TAOK3: variants seen among roughly 807,000 people sequenced by gnomAD.
TAOK3 encodes serine/threonine-protein kinase TAO3.
A neutral mutation model predicts 120.4 loss-of-function variants in TAOK3; 40 were observed. The ratio of observed to expected loss-of-function variants is 0.33; its 90% CI spans 0.26 to 0.43. TAOK3 has a LOEUF of 0.43. Among genes scored for constraint, TAOK3 ranks in the 20% least tolerant of loss-of-function variants. The pLI, the probability that TAOK3 is intolerant of heterozygous loss-of-function variation, is 1.00. For missense variants in TAOK3, 821 were observed against 1,112.1 expected, an observed-to-expected ratio of 0.74 and a Z score of 3.72; for synonymous variants, 355 against 387.5, an observed-to-expected ratio of 0.92 and a Z score of 0.99.
At chr12:118,202,922 G>A (rs1485458140) in intron 11 of TAOK3, among the ~76,000 whole-genome samples, 1 of 151,758 alleles carries the variant, frequency 6.6e-6, no homozygotes, top group East Asian at 1.9e-4. Context: ...TGGAATTACA[G>A]GCATGCACCA....
At chr12:118,306,032 A>G (rs1477116117) in intron 1 of TAOK3, among the ~76,000 whole-genome samples, 2 of 152,124 alleles carry the variant, frequency 1.3e-5, no homozygotes, top group Non-Finnish European at 2.9e-5. Context: ...AGAGGACACC[A>G]TGTTTCATAA....
At chr12:118,226,106 T>G (rs915917439) in intron 9 of TAOK3, among the ~76,000 whole-genome samples, 2 of 152,220 alleles carry the variant, frequency 1.3e-5, no homozygotes, top group African/African-American at 4.8e-5. Flanking sequence ...CCGGGTGCGG[T>G]GGCTCACGCC....
intron 14 of TAOK3, among the ~76,000 whole-genome samples, chr12:118,182,623 A>ATATATATTTTT (rs371125415): frequency 4.3e-5 from 4 of 92,390 alleles, no homozygotes; most frequent in African/African-American, 1.5e-4. Flanking sequence ...ATATATATAT[A>ATATATATTTTT]TTTTTTTTTT....
At chr12:118,290,800 G>A (rs1020864243) in intron 1 of TAOK3, among the ~76,000 whole-genome samples, 3 of 151,042 alleles carry the variant, frequency 2.0e-5, no homozygotes, top group Non-Finnish European at 4.4e-5. Context: ...TATTTATATC[G>A]CCACTACTTA....
chr12:118,217,807 GTGTGTATACATATATA>G (rs2038987696), intron 9 of TAOK3, among the ~76,000 whole-genome samples: 1 of 83,202 alleles, frequency 1.2e-5, no homozygotes, highest in African/African-American at 4.6e-5. Flanking sequence ...ATGTGTGTGT[GTGTGTATACATATATA>G]TATATATATA....
intron 1 of TAOK3, among the ~76,000 whole-genome samples, chr12:118,292,845 C>T (rs763215429): frequency 2.6e-5 from 4 of 152,184 alleles, no homozygotes; most frequent in African/African-American, 4.8e-5. Context: ...TGTACCAATT[C>T]AAGACAAGGG....
intron 11 of TAOK3, among the ~76,000 whole-genome samples, chr12:118,203,991 C>T (rs992266857): frequency 2.0e-5 from 3 of 152,014 alleles, no homozygotes; most frequent in African/African-American, 4.8e-5. Context: ...TTAGGCTGGG[C>T]GTGGTGGCTC....
intron 1 of TAOK3, among the ~76,000 whole-genome samples, chr12:118,337,356 G>A (rs969711625): frequency 6.6e-5 from 10 of 152,190 alleles, no homozygotes; most frequent in African/African-American, 2.4e-4. Flanking sequence ...TAGTGTGACA[G>A]TTTCTTATAA....
chr12:118,203,091 T>C (rs1191755927), intron 11 of TAOK3, among the ~76,000 whole-genome samples: 3 of 152,100 alleles, frequency 2.0e-5, no homozygotes, highest in Non-Finnish European at 4.4e-5. Flanking sequence ...TGTTCTATTC[T>C]TATTATAACT....
intron 10 of TAOK3, 24 bp from the exon 11 acceptor site, chr12:118,213,019 A>G (rs1431482229): frequency 1.1e-5 from 17 of 1,519,704 alleles, no homozygotes; most frequent in Non-Finnish European, 1.4e-5. Flanking sequence ...TACACAAAAG[A>G]AAATAAACTC....
At chr12:118,223,007 G>A (rs556678630) in intron 9 of TAOK3, among the ~76,000 whole-genome samples, 1 of 150,382 alleles carries the variant, frequency 6.6e-6, no homozygotes, top group African/African-American at 2.4e-5. Flanking sequence ...GAAAGAGTAC[G>A]CCTATCTTTA....
chr12:118,168,049 T>C (rs1310526540), intron 17 of TAOK3, among the ~76,000 whole-genome samples: 1 of 151,702 alleles, frequency 6.6e-6, no homozygotes, highest in African/African-American at 2.4e-5. Flanking sequence ...ACAAAAGTAA[T>C]CTCATTTTTG....
chr12:118,314,250 T>C (rs75392743), intron 1 of TAOK3, among the ~76,000 whole-genome samples: 2,155 of 152,320 alleles, frequency 0.014, 46 homozygotes, highest in African/African-American at 0.048. Context: ...AAAATCAATG[T>C]TTCATATGGA....
At chr12:118,174,409 C>A in intron 16 of TAOK3, among the ~76,000 whole-genome samples, 1 of 148,250 alleles carries the variant, frequency 6.7e-6, no homozygotes, top group African/African-American at 2.5e-5. Context: ...TGTTCAAAGA[C>A]AGAAGTGTAG....
At chr12:118,189,574 ACAC>A (rs2037304355) in intron 14 of TAOK3, among the ~76,000 whole-genome samples, 2 of 32,578 alleles carry the variant, frequency 6.1e-5, no homozygotes, top group African/African-American at 1.0e-4. Flanking sequence ...ACACACACAC[ACAC>A]AAAGGTTTTT....
At chr12:118,233,898 A>T (rs2039895168) in intron 8 of TAOK3, 133 bp from the exon 9 acceptor site, 3 of 636,460 alleles carry the variant, frequency 4.7e-6, no homozygotes. Flanking sequence ...TTCCTTACAC[A>T]AATAATTTTG....
intron 15 of TAOK3, among the ~76,000 whole-genome samples, chr12:118,178,479 A>G (rs2036487916): frequency 1.3e-5 from 2 of 151,556 alleles, no homozygotes; most frequent in Non-Finnish European, 2.9e-5. Context: ...TTTTTTTCTG[A>G]GACAGTCTCC....
At chr12:118,181,952 A>G (rs1414998449) in intron 14 of TAOK3, among the ~76,000 whole-genome samples, 2 of 152,212 alleles carry the variant, frequency 1.3e-5, no homozygotes, top group Non-Finnish European at 2.9e-5. Context: ...TGGGAGGCTG[A>G]GGCAGGCAGA....
chr12:118,333,847 A>G (rs1247744799), intron 1 of TAOK3, among the ~76,000 whole-genome samples: 4 of 151,902 alleles, frequency 2.6e-5, no homozygotes, highest in Admixed American at 1.3e-4. Context: ...AAAAAAAAAA[A>G]AATTGAGGCT....
Sources: allele counts gnomAD v4.1 joint callset (sites outside exome capture counted in the v4.1 genomes callset), GRCh38; gene constraint gnomAD v4.1.1; transcripts MANE v1.5; gene names NCBI Gene and HGNC (gene_info 2026-07-23, HGNC 2026-07-21).